Variants in NDUFV3 observed in about 807,000 individuals in gnomAD.
NDUFV3 encodes NADH:ubiquinone oxidoreductase subunit V3.
A neutral mutation model predicts 37.5 loss-of-function variants in NDUFV3; 44 were observed. The ratio of observed to expected loss-of-function variants is 1.17; its 90% confidence interval spans 0.92 to 1.51. The LOEUF is 1.51. Among genes scored for constraint, NDUFV3 ranks in the 40% most tolerant of loss-of-function variants. The pLI is 0.00. For synonymous variants in NDUFV3, 235 were observed against 239.3 expected, an observed-to-expected ratio of 0.98 and a Z score of 0.17; for missense variants, 580 against 580.4, an observed-to-expected ratio of 1.00 and a Z score of 0.01.
In NDUFV3 at chr21:42,910,760, G is replaced by A. The variant is rs2058767365; in HGVS notation, c.*1739G>A. 6.5e-6 allele frequency: 1 copy of A among 154,824 alleles called. No homozygotes were observed. Among genetic ancestry groups the A allele is most frequent in the Non-Finnish European group, 1.4e-5 (1 of 69,310 alleles). 9.6% of individuals were successfully genotyped at this position (154,824 alleles called of 1,614,324 possible). On this transcript the variant is annotated 3_prime_UTR_variant, in exon 4 of 4. Coordinates refer to ENST00000354250, the MANE Select transcript of NDUFV3 (RefSeq NM_021075.4). The stretch of plus-strand genomic sequence containing the variant: ...ACGAAGTTGCTCCCCGCTGGCCACA[G>A]GCACTCAATGAGCTATTTTACCTAT...
intron 3 of NDUFV3, chr21:42,906,847 T>G (rs2058744191): frequency 5.8e-6 from 3 of 518,824 alleles, no homozygotes; most frequent in South Asian, 2.8e-5. Context: ...AAGGTGTCCC[T>G]ACACCACACC....
chr21:42,910,539 A>G lies in NDUFV3; in HGVS notation c.*1518A>G, dbSNP rs139616738. On this transcript the variant is annotated 3_prime_UTR_variant, in exon 4 of 4. Transcript: ENST00000354250. ...AGGAAGAGGTGAAGTTTCGTGCAGT[A>G]CAGGGACGGAGTAGGAAGAGGTGAA... 2,414 of 139,610 alleles carry G rather than the reference A, an allele frequency of 0.017. 90 individuals carry two copies. Among genetic ancestry groups the G allele is most frequent in the East Asian group, 0.043 (179 of 4,206 alleles). 8.6% of individuals were successfully genotyped at this position (139,610 alleles called of 1,614,324 possible).
Position 42,911,439 on chromosome 21 carries a change from C to CTTTTTTTTT in NDUFV3, c.*2441_*2449dup, listed in dbSNP as rs66493713. ...CTAAAATCCACTATGCTAACCCACC[C>CTTTTTTTTT]TTTTTTTTTTTTTTTTTTTTTTTTT... On this transcript the variant is annotated 3_prime_UTR_variant, in exon 4 of 4. Coordinates refer to ENST00000354250, the MANE Select transcript of NDUFV3 (RefSeq NM_021075.4). 7.4e-5 allele frequency: 5 copies of CTTTTTTTTT among 67,542 alleles called. No individual in the cohort carries two copies. Among genetic ancestry groups the CTTTTTTTTT allele is most frequent in the Admixed American group, 1.8e-4 (1 of 5,486 alleles). 4.2% of individuals were successfully genotyped at this position (67,542 alleles called of 1,614,324 possible). A position where few individuals can be genotyped will look rare whatever the true frequency, so the allele number is the denominator to read the frequency against.
chr21:42,894,499 T>C (rs1209708975), intron 1 of NDUFV3, among the ~76,000 whole-genome samples: 43 of 84,152 alleles, frequency 5.1e-4, no homozygotes, highest in African/African-American at 2.3e-3. Flanking sequence ...TTATATAATA[T>C]ATAATATATA....
chr21:42,903,272 C>T lies in NDUFV3; in HGVS notation c.260C>T (p.Pro87Leu), dbSNP rs752755080. 8 of 1,614,122 alleles carry T rather than the reference C, an allele frequency of 5.0e-6. No individual in the cohort carries two copies. The highest frequency in any genetic ancestry group is 5.9e-6 in the Non-Finnish European group (7 of 1,180,018). ...AACTTATCTTCACCCAGTTCTTACC[C>T]GCCAGCTGTGAATAAGGGCAGGAAG... ...SKNLSSPSSYPPAVNKGRKVA... is the reference protein window; with the variant it reads ...SKNLSSPSSYLPAVNKGRKVA... Residue 87 changes from proline (P) to leucine (L), a missense_variant, in exon 3 of 4, where the codon CCG (proline) becomes CTG (leucine). Coordinates refer to ENST00000354250, the MANE Select transcript of NDUFV3 (RefSeq NM_021075.4).
chr21:42,893,370 G>A lies in NDUFV3; in HGVS notation c.37G>A (p.Gly13Arg). ...APCLLRQGRA[G>R]ALKTMLQEAQ... ...GTGTTTGCTGCGGCAAGGACGAGCC[G>A]GGGCGCTGAAGGTAAAGGAGGAGCC... is the stretch of plus-strand genomic sequence containing the variant. Residue 13 changes from glycine (G) to arginine (R), a missense_variant, in exon 1 of 4, where the codon GGG (glycine) becomes AGG (arginine). Transcript: ENST00000354250. 5 of 1,537,922 alleles carry A rather than the reference G, an allele frequency of 3.3e-6. No individual in the cohort carries two copies. Among genetic ancestry groups the A allele is most frequent in the Non-Finnish European group, 4.4e-6 (5 of 1,146,412 alleles).
At chr21:42,902,828 T>C (rs934579975) in intron 2 of NDUFV3, among the ~76,000 whole-genome samples, 4 of 152,216 alleles carry the variant, frequency 2.6e-5, no homozygotes, top group South Asian at 4.1e-4. Context: ...GTCTCTGATA[T>C]ACAGTGATGC....
chr21:42,902,874 T>C (rs988914246), intron 2 of NDUFV3, among the ~76,000 whole-genome samples: 1 of 152,234 alleles, frequency 6.6e-6, no homozygotes, highest in African/African-American at 2.4e-5. Flanking sequence ...TCCTCCTGTA[T>C]ACTTTAAATC....
At chr21:42,906,500 T>A (rs1476628330) in intron 3 of NDUFV3, among the ~76,000 whole-genome samples, 2 of 152,168 alleles carry the variant, frequency 1.3e-5, no homozygotes, top group Non-Finnish European at 2.9e-5. Context: ...GGAACTGCAT[T>A]TCCTGATGCT....
chr21:42,903,039 G>A, intron 2 of NDUFV3, 143 bp from the exon 3 acceptor site: 1 of 1,157,360 alleles, frequency 8.6e-7, no homozygotes, highest in Non-Finnish European at 1.2e-6. Context: ...TTGGTTGCTT[G>A]GTGGGTTTCT....
intron 3 of NDUFV3, among the ~76,000 whole-genome samples, chr21:42,908,654 G>A (rs111616884): frequency 3.6e-5 from 5 of 138,228 alleles, no homozygotes; most frequent in African/African-American, 5.1e-5. Context: ...TGTGTGAGCC[G>A]AGTCATTCAT....
intron 2 of NDUFV3, among the ~76,000 whole-genome samples, chr21:42,899,201 C>T (rs2058707550): frequency 1.3e-5 from 2 of 151,928 alleles, no homozygotes; most frequent in Non-Finnish European, 2.9e-5. Context: ...AGCTACTGCA[C>T]ACACTGCAGA....
intron 2 of NDUFV3, among the ~76,000 whole-genome samples, chr21:42,899,735 A>G (rs2146153411): frequency 6.6e-6 from 1 of 152,154 alleles, no homozygotes; most frequent in South Asian, 2.1e-4. Context: ...GAGCCACTGC[A>G]CCCAGCCAAT....
chr21:42,905,641 A>G (rs7279030), intron 3 of NDUFV3, among the ~76,000 whole-genome samples: 98,001 of 151,570 alleles, frequency 0.65, 33,318 homozygotes, highest in African/African-American at 0.86. Context: ...TCAGCCTCCA[A>G]AGTAGCTGGG....
intron 3 of NDUFV3, among the ~76,000 whole-genome samples, chr21:42,907,099 G>A (rs1040647082): frequency 2.6e-5 from 4 of 152,140 alleles, no homozygotes; most frequent in South Asian, 4.1e-4. Flanking sequence ...CTGTGTTCCC[G>A]TGCTGGTTTT....
intron 1 of NDUFV3, among the ~76,000 whole-genome samples, chr21:42,894,925 CTGAG>C (rs1386147157): frequency 3.3e-5 from 5 of 152,044 alleles, no homozygotes; most frequent in African/African-American, 4.8e-5. Context: ...TGAGTATATG[CTGAG>C]TGAGTTGGCA....
intron 1 of NDUFV3, among the ~76,000 whole-genome samples, chr21:42,894,669 G>C (rs1325410166): frequency 1.4e-5 from 2 of 145,884 alleles, no homozygotes; most frequent in Non-Finnish European, 3.0e-5. Flanking sequence ...AGCGACTCTC[G>C]TGCCTCAGCC....
At chr21:42,896,792 T>TA (rs2146148552) in intron 1 of NDUFV3, 135 bp from the exon 2 acceptor site, 1 of 815,752 alleles carries the variant, frequency 1.2e-6, no homozygotes, top group East Asian at 3.0e-5. Context: ...TGAGCCATGA[T>TA]TGTGCCACTG....
intron 2 of NDUFV3, 108 bp downstream of exon 2, chr21:42,897,155 C>A: frequency 7.7e-7 from 1 of 1,298,448 alleles, no homozygotes; most frequent in Non-Finnish European, 1.1e-6. Context: ...ATTTATGCTT[C>A]TTCCTTTTCA....
Sources: gnomAD v4.1 joint callset for allele counts (sites outside exome capture counted in the v4.1 genomes callset) on GRCh38, gnomAD v4.1.1 for gene constraint, MANE v1.5 for transcripts, NCBI Gene and HGNC (gene_info 2026-07-23, HGNC 2026-07-21) for gene names.